Variants in THAP11 observed in about 807,000 individuals in gnomAD.
The protein encoded by THAP11 is THAP domain containing 11.
THAP11 carries 8 observed loss-of-function variants against 24.1 expected under a neutral mutation model. That is an observed-to-expected ratio of 0.33 (90% CI 0.20 to 0.60). The LOEUF is 0.60. Ranked by LOEUF, THAP11 falls within the 20% of genes least tolerant of loss-of-function variation. The pLI, the probability that THAP11 is intolerant of heterozygous loss-of-function variation, is 0.82. For synonymous variants in THAP11, 222 were observed against 180.2 expected (o/e 1.23, Z -1.86); for missense variants, 276 against 418.4 (o/e 0.66, Z 2.97).
rs1293692810 is a variant in THAP11, at chr16:67,844,183, AG to A, written c.*685del. Reference sequence around the variant, plus strand: ...GTTTGGCAAAACAAATTAAACAAAAAGTAAGGTTTTTATTTGGGTCTCGCCA... The same window carrying A: ...GTTTGGCAAAACAAATTAAACAAAAATAAGGTTTTTATTTGGGTCTCGCCA... On this transcript the variant is annotated 3_prime_UTR_variant, in exon 1 of 1. Coordinates refer to ENST00000303596, the MANE Select transcript of THAP11 (RefSeq NM_020457.3). 1.2e-5 allele frequency: 2 copies of A among 166,702 alleles called. No homozygotes were observed. The highest frequency in any genetic ancestry group is 2.9e-5 in the Non-Finnish European group (2 of 68,124). 10.3% of individuals were successfully genotyped at this position (166,702 alleles called of 1,614,324 possible). A position where few individuals can be genotyped will look rare whatever the true frequency, so the allele number is the denominator to read the frequency against.
Position 67,842,431 on chromosome 16 carries a change from G to C in THAP11, c.-124G>C. ...GGCGGGCCGGCTGCGCCGAGCGGCAGTGGTGGGATACCACCCAAGGCCTCG... is the reference window on the plus strand; with the variant it reads ...GGCGGGCCGGCTGCGCCGAGCGGCACTGGTGGGATACCACCCAAGGCCTCG... On this transcript the variant is annotated 5_prime_UTR_variant, in exon 1 of 1. Transcript: ENST00000303596. This position sits in a 1 kb window ranked among gnomAD's most constrained non-coding sequence, Gnocchi z 4.9. 3.1e-6 allele frequency: 2 copies of C among 644,218 alleles called. No homozygotes were observed. The highest frequency in any genetic ancestry group is 4.3e-6 in the Non-Finnish European group (2 of 468,130). 39.9% of individuals were successfully genotyped at this position (644,218 alleles called of 1,614,324 possible).
chr16:67,843,018 C>G lies in THAP11; in HGVS notation c.464C>G (p.Ala155Gly), dbSNP rs763038750. ...LQPNLVSASA[A>G]VLLTLQATVD... ...CCGAACCTGGTATCTGCTTCCGCGGCCGTGCTTCTCACCCTTCAGGCCACT... is the reference window on the plus strand; with the variant it reads ...CCGAACCTGGTATCTGCTTCCGCGGGCGTGCTTCTCACCCTTCAGGCCACT... Residue 155 changes from alanine (A) to glycine (G), a missense_variant, in exon 1 of 1, where the codon GCC (alanine) becomes GGC (glycine). Physicochemically the swap from Ala to Gly is moderately conservative, Grantham distance 60. This residue lies in a region of THAP11 where 210 missense variants were observed against 203.4 expected (regional missense o/e 1.03). Transcript: ENST00000303596. This position sits in a 1 kb window ranked among gnomAD's most constrained non-coding sequence, Gnocchi z 5.7. 9.3e-6 allele frequency: 15 copies of G among 1,612,608 alleles called. 1 individual carries two copies. The South Asian group carries it at 1.5e-4, about 17-fold the overall frequency.
rs1269166131 is a variant in THAP11, at chr16:67,842,453, C to T, written c.-102C>T. ...GCAGTGGTGGGATACCACCCAAGGC[C>T]TCGCGCGGCGCCGCCCGTCGAGGGG... On this transcript the variant is annotated 5_prime_UTR_variant, in exon 1 of 1. Coordinates refer to ENST00000303596, the MANE Select transcript of THAP11 (RefSeq NM_020457.3). This position sits in a 1 kb window ranked among gnomAD's most constrained non-coding sequence, Gnocchi z 4.9. 11 of 973,168 alleles carry T rather than the reference C, an allele frequency of 1.1e-5. No individual in the cohort carries two copies. The highest frequency in any genetic ancestry group is 1.5e-5 in the Non-Finnish European group (11 of 755,130). 60.3% of individuals were successfully genotyped at this position (973,168 alleles called of 1,614,324 possible).
chr16:67,842,767 C>G lies in THAP11; in HGVS notation c.213C>G (p.Thr71=). ...CSVHFQGGRK[T]YTVRVPTIFP... is the part of the protein sequence containing the mutation. The stretch of plus-strand genomic sequence containing the variant: ...TTCACTTCCAGGGCGGCCGCAAGAC[C>G]TACACGGTACGCGTCCCCACCATCT... Residue 71 remains threonine, a synonymous_variant, in exon 1 of 1, where the codon ACC becomes ACG. Coordinates refer to ENST00000303596, the MANE Select transcript of THAP11 (RefSeq NM_020457.3). The surrounding 1 kb of genome is among the most constrained non-coding windows in gnomAD (Gnocchi z 4.9). 4.3e-6 allele frequency: 7 copies of G among 1,610,632 alleles called. No homozygotes were observed. Among genetic ancestry groups the G allele is most frequent in the South Asian group, 3.3e-5 (3 of 90,668 alleles).
rs2057772461 is a variant in THAP11, at chr16:67,842,884, G to GCAA, written c.332_333insACA (p.Gln132dup). On this transcript the variant is annotated inframe_insertion, in exon 1 of 1. Transcript: ENST00000303596. The surrounding 1 kb of genome is among the most constrained non-coding windows in gnomAD (Gnocchi z 4.9). The stretch of plus-strand genomic sequence containing the variant: ...GCAGGCAGCAGCAGCAACAGCAGCA[G>GCAA]CAGCAGCAACAGCAGCAACAGCAGC... 6 of 1,602,530 alleles carry GCAA rather than the reference G, an allele frequency of 3.7e-6. No individual in the cohort carries two copies. Among genetic ancestry groups the GCAA allele is most frequent in the East Asian group, 4.5e-5 (2 of 44,558 alleles).
At position 67,842,474 on chromosome 16, in the gene THAP11, AG is replaced by A; in HGVS notation, c.-77del. 9.1e-7 allele frequency: 1 copy of A among 1,093,998 alleles called. No homozygotes were observed. Among genetic ancestry groups the A allele is most frequent in the Non-Finnish European group, 1.2e-6 (1 of 862,998 alleles). The allele number at this position is 1,093,998 out of a possible 1,614,324, so 67.8% of individuals were successfully genotyped here. On this transcript the variant is annotated 5_prime_UTR_variant, in exon 1 of 1. Transcript: ENST00000303596. This position sits in a 1 kb window ranked among gnomAD's most constrained non-coding sequence, Gnocchi z 4.9. ...AGGCCTCGCGCGGCGCCGCCCGTCGAGGGGCGGGCGGCGGCGTAGCCACTGG... is the reference window on the plus strand; with the variant it reads ...AGGCCTCGCGCGGCGCCGCCCGTCGAGGGCGGGCGGCGGCGTAGCCACTGG...
chr16:67,842,422 C>T lies in THAP11; in HGVS notation c.-133C>T. 1.8e-6 allele frequency: 1 copy of T among 570,230 alleles called. No individual in the cohort carries two copies. The highest frequency in any genetic ancestry group is 2.5e-6 in the Non-Finnish European group (1 of 405,538). 35.3% of individuals were successfully genotyped at this position (570,230 alleles called of 1,614,324 possible). A position where few individuals can be genotyped will look rare whatever the true frequency, so the allele number is the denominator to read the frequency against. ...GGGGCGCCGGGCGGGCCGGCTGCGC[C>T]GAGCGGCAGTGGTGGGATACCACCC... On this transcript the variant is annotated 5_prime_UTR_variant, in exon 1 of 1. Coordinates refer to ENST00000303596, the MANE Select transcript of THAP11 (RefSeq NM_020457.3). The surrounding 1 kb of genome is among the most constrained non-coding windows in gnomAD (Gnocchi z 4.9).
rs754326743 is a variant in THAP11, at chr16:67,842,862, GGCAGCAGCA to G, written c.312_320del (p.Gln130_Gln132del). On this transcript the variant is annotated inframe_deletion, in exon 1 of 1. Transcript: ENST00000303596. This position sits in a 1 kb window ranked among gnomAD's most constrained non-coding sequence, Gnocchi z 4.9. ...GCTGGGGCCGCGGCCGCCCGCCGCA[GGCAGCAGCA>G]GCAACAGCAGCAGCAGCAGCAACAG... The G allele has an allele frequency of 8.5e-5, 137 of 1,608,038 alleles. No individual in the cohort carries two copies. In the African/African-American group the frequency reaches 1.4e-3, roughly 17 times the overall value.
At position 67,842,506 on chromosome 16, in the gene THAP11, CGAA is replaced by C; in HGVS notation, c.-46_-44del. 1 of 1,425,406 alleles carries C rather than the reference CGAA, an allele frequency of 7.0e-7. No homozygotes were observed. The allele number at this position is 1,425,406 out of a possible 1,614,324, so 88.3% of individuals were successfully genotyped here. On this transcript the variant is annotated 5_prime_UTR_variant, in exon 1 of 1. Transcript: ENST00000303596. This position sits in a 1 kb window ranked among gnomAD's most constrained non-coding sequence, Gnocchi z 4.9. The stretch of plus-strand genomic sequence containing the variant: ...GGCGGCGGCGTAGCCACTGGGCCGT[CGAA>C]GAGCGCAGGAGGCCGGTGGGCCGGG...
Position 67,842,863 on chromosome 16 carries a change from G to A in THAP11, c.309G>A (p.Arg103=). Residue 103 remains arginine (R), a synonymous_variant, in exon 1 of 1, where the codon AGG becomes AGA. Coordinates refer to ENST00000303596, the MANE Select transcript of THAP11 (RefSeq NM_020457.3). This position sits in a 1 kb window ranked among gnomAD's most constrained non-coding sequence, Gnocchi z 4.9. ...CTGGGGCCGCGGCCGCCCGCCGCAGGCAGCAGCAGCAACAGCAGCAGCAGC... is the reference window on the plus strand; with the variant it reads ...CTGGGGCCGCGGCCGCCCGCCGCAGACAGCAGCAGCAACAGCAGCAGCAGC... ...RPAGAAAARR[R]QQQQQQQQQQ... is the part of the protein sequence containing the mutation. The A allele has an allele frequency of 1.2e-6, 2 of 1,609,552 alleles. No individual in the cohort carries two copies. The highest frequency in any genetic ancestry group is 1.7e-6 in the Non-Finnish European group (2 of 1,178,378).
Position 67,843,029 on chromosome 16 carries a change from AC to A in THAP11, c.478del (p.Leu160PhefsTer5). ...LVSASAAVLL[T>X]LQATVDSSQA... ...ATCTGCTTCCGCGGCCGTGCTTCTC[AC>A]CCTTCAGGCCACTGTAGACAGCAGT... is the stretch of plus-strand genomic sequence containing the variant. On this transcript the variant is annotated frameshift_variant, in exon 1 of 1. Transcript: ENST00000303596. LOFTEE classifies it high-confidence loss of function. This position sits in a 1 kb window ranked among gnomAD's most constrained non-coding sequence, Gnocchi z 5.7. 6.2e-7 allele frequency: 1 copy of A among 1,612,262 alleles called. No individual in the cohort carries two copies.
In THAP11 at chr16:67,843,155, G is replaced by A. The variant is rs1477175108; in HGVS notation, c.601G>A (p.Gly201Ser). The change falls in exon 1 of 1, where the codon GGC becomes AGC. Residue 201 changes from glycine to serine, a missense_variant. By Grantham distance (56) the Gly-to-Ser change is moderately conservative (BLOSUM62 0). This residue lies in a region of THAP11 where 210 missense variants were observed against 203.4 expected (regional missense o/e 1.03). Coordinates refer to ENST00000303596, the MANE Select transcript of THAP11 (RefSeq NM_020457.3). This position sits in a 1 kb window ranked among gnomAD's most constrained non-coding sequence, Gnocchi z 5.7. Reference sequence around the variant, plus strand: ...GCAAGTGGAGTTTGCAGCCGCAGAGGGCGCAGCCGCTGCGGCCGCCGCGTC... The same window carrying A: ...GCAAGTGGAGTTTGCAGCCGCAGAGAGCGCAGCCGCTGCGGCCGCCGCGTC... The part of the protein sequence containing the change: ...TVQVEFAAAE[G>S]AAAAAAASEL... 1 of 1,609,450 alleles carries A rather than the reference G, an allele frequency of 6.2e-7. No homozygotes were observed. Among genetic ancestry groups the A allele is most frequent in the Non-Finnish European group, 8.5e-7 (1 of 1,179,368 alleles).
At position 67,843,512 on chromosome 16, in the gene THAP11, G is replaced by A; in HGVS notation, c.*13G>A. On this transcript the variant is annotated 3_prime_UTR_variant, in exon 1 of 1. Transcript: ENST00000303596. The surrounding 1 kb of genome is among the most constrained non-coding windows in gnomAD (Gnocchi z 5.7). ...GCACGGAATGTGAACTGGTGCCCCGGCAGCCTGCTGGACTCCCAGACCCCA... is the reference window on the plus strand; with the variant it reads ...GCACGGAATGTGAACTGGTGCCCCGACAGCCTGCTGGACTCCCAGACCCCA... 2 of 1,594,476 alleles carry A rather than the reference G, an allele frequency of 1.3e-6. No individual in the cohort carries two copies. Among genetic ancestry groups the A allele is most frequent in the East Asian group, 4.5e-5 (2 of 44,804 alleles).
At position 67,843,059 on chromosome 16, in the gene THAP11, G is replaced by A. The variant is rs1232063765; in HGVS notation, c.505G>A (p.Ala169Thr). The part of the protein sequence containing the change: ...TLQATVDSSQ[A>T]PGSVQPAPIT... Reference sequence around the variant, plus strand: ...TCAGGCCACTGTAGACAGCAGTCAGGCTCCGGGATCCGTACAGCCGGCGCC... The same window carrying A: ...TCAGGCCACTGTAGACAGCAGTCAGACTCCGGGATCCGTACAGCCGGCGCC... Residue 169 changes from alanine to threonine, a missense_variant, in exon 1 of 1, where the codon GCT becomes ACT. Around this residue, in one of 3 missense-constraint regions of THAP11, gnomAD observed 210 missense variants for 203.4 expected, o/e 1.03. Transcript: ENST00000303596. This position sits in a 1 kb window ranked among gnomAD's most constrained non-coding sequence, Gnocchi z 5.7. The A allele has an allele frequency of 3.1e-6, 5 of 1,612,002 alleles. No homozygotes were observed. Among genetic ancestry groups the A allele is most frequent in the Non-Finnish European group, 4.2e-6 (5 of 1,180,022 alleles).
Position 67,842,980 on chromosome 16 carries a change from T to C in THAP11, c.426T>C (p.Thr142=), listed in dbSNP as rs777376161. The change falls in exon 1 of 1, where the codon ACT becomes ACC. Residue 142 remains threonine, a synonymous_variant. Transcript: ENST00000303596. The surrounding 1 kb of genome is among the most constrained non-coding windows in gnomAD (Gnocchi z 4.9). ...QSSPSASTAQ[T]AQLQPNLVSA... ...CACCCTCTGCCTCCACTGCCCAGAC[T>C]GCCCAGCTGCAGCCGAACCTGGTAT... The C allele has an allele frequency of 1.2e-5, 19 of 1,611,350 alleles. No individual in the cohort carries two copies. The highest frequency in any genetic ancestry group is 6.7e-5 in the Admixed American group (4 of 59,960).
rs2057768706 is a variant in THAP11 at position 67,842,487 on chromosome 16, G to A, written c.-68G>A. ...CGCCGCCCGTCGAGGGGCGGGCGGC[G>A]GCGTAGCCACTGGGCCGTCGAAGAG... On this transcript the variant is annotated 5_prime_UTR_variant, in exon 1 of 1. Coordinates refer to ENST00000303596, the MANE Select transcript of THAP11 (RefSeq NM_020457.3). This position sits in a 1 kb window ranked among gnomAD's most constrained non-coding sequence, Gnocchi z 4.9. 4 of 1,238,464 alleles carry A rather than the reference G, an allele frequency of 3.2e-6. No homozygotes were observed. The highest frequency in any genetic ancestry group is 5.7e-5 in the South Asian group (2 of 35,352). The allele number at this position is 1,238,464 out of a possible 1,614,324, so 76.7% of individuals were successfully genotyped here. A position where few individuals can be genotyped will look rare whatever the true frequency, so the allele number is the denominator to read the frequency against.
At position 67,843,409 on chromosome 16, in the gene THAP11, G is replaced by T. The variant is rs376467699; in HGVS notation, c.855G>T (p.Leu285=). Residue 285 remains leucine, a synonymous_variant, in exon 1 of 1, where the codon CTG becomes CTT. Transcript: ENST00000303596. The surrounding 1 kb of genome is among the most constrained non-coding windows in gnomAD (Gnocchi z 5.7). ...MKEMKGSIRH[L]RLTEAKLREE... is the part of the protein sequence containing the mutation. ...AGATGAAAGGCAGCATTCGCCACCT[G>T]CGTCTCACTGAGGCCAAGCTGCGCG... 4.3e-6 allele frequency: 7 copies of T among 1,613,984 alleles called. No individual in the cohort carries two copies. Among genetic ancestry groups the T allele is most frequent in the Non-Finnish European group, 5.9e-6 (7 of 1,180,056 alleles).
chr16:67,842,920 A>AGCAGCAGCAGCAG lies in THAP11; in HGVS notation c.366_367insGCAGCAGCAGCAG (p.Gln123AlafsTer121). 6.3e-7 allele frequency: 1 copy of AGCAGCAGCAGCAG among 1,579,582 alleles called. No individual in the cohort carries two copies. The highest frequency in any genetic ancestry group is 2.3e-5 in the East Asian group (1 of 43,922). On this transcript the variant is annotated frameshift_variant, in exon 1 of 1. Coordinates refer to ENST00000303596, the MANE Select transcript of THAP11 (RefSeq NM_020457.3). LOFTEE classifies it high-confidence loss of function. The surrounding 1 kb of genome is among the most constrained non-coding windows in gnomAD (Gnocchi z 4.9). ...AGCAGCAACAGCAGCAGCAGCAGCA[A>AGCAGCAGCAGCAG]CAGCAGCAGCAGCAGCAGCAGCAGC...
chr16:67,843,770 T>G lies in THAP11; in HGVS notation c.*271T>G. 2.3e-6 allele frequency: 1 copy of G among 439,092 alleles called. No individual in the cohort carries two copies. The highest frequency in any genetic ancestry group is 4.2e-6 in the Non-Finnish European group (1 of 235,942). 27.2% of individuals were successfully genotyped at this position (439,092 alleles called of 1,614,324 possible). On this transcript the variant is annotated 3_prime_UTR_variant, in exon 1 of 1. Transcript: ENST00000303596. The surrounding 1 kb of genome is among the most constrained non-coding windows in gnomAD (Gnocchi z 5.7). ...TTGCAGATTCTGGTTAAGCAGAGGC[T>G]TCAGAACCACTGAACTTGAAACTTA... is the stretch of plus-strand genomic sequence containing the variant.
Sources: gnomAD v4.1 joint callset for allele counts on GRCh38, gnomAD v4.1.1 for gene constraint, gnomAD v4.1.1 regional missense constraint, Gnocchi (gnomAD v3.1) non-coding constraint, MANE v1.5 for transcripts, NCBI Gene and HGNC (gene_info 2026-07-23, HGNC 2026-07-21) for gene names.